CTNNA3: variants seen among roughly 807,000 people sequenced by gnomAD.
CTNNA3 encodes catenin alpha 3.
CTNNA3 carries 76 observed loss-of-function variants against 95.7 expected under a neutral mutation model. The ratio of observed to expected loss-of-function variants is 0.79; its 90% CI spans 0.66 to 0.96. CTNNA3 has a LOEUF of 0.96. Among genes scored for constraint, CTNNA3 ranks in the 40% least tolerant of loss-of-function variants. The pLI is 0.00. For missense variants in CTNNA3, 1,191 were observed against 1,089.8 expected (o/e 1.09, Z -1.31); for synonymous variants, 431 against 374.4 (o/e 1.15, Z -1.74).
Position 67,580,474 on chromosome 10 carries a change from T to C in CTNNA3, c.292+26383A>G, listed in dbSNP as rs573818893. On this transcript the variant is annotated intron_variant, in intron 3 of 17. Coordinates refer to ENST00000433211, the MANE Select transcript of CTNNA3 (RefSeq NM_013266.4). ...TGGTTACTGTAGCCTTGTAATATAGTTTGAAGTCAGGTAGCATGATGCCTC... is the reference window on the plus strand; with the variant it reads ...TGGTTACTGTAGCCTTGTAATATAGCTTGAAGTCAGGTAGCATGATGCCTC... 1.2e-3 allele frequency among the ~76,000 whole-genome samples: 183 copies of C among 151,808 alleles called. 1 individual carries two copies. The highest frequency in any genetic ancestry group is 2.0e-3 in the Non-Finnish European group (135 of 68,016).
At chr10:65,930,542 T>C (rs1292674614) in intron 17 of CTNNA3, among the ~76,000 whole-genome samples, 1 of 152,208 alleles carries the variant, frequency 6.6e-6, no homozygotes, top group East Asian at 1.9e-4. Flanking sequence ...ACTAGCAAAA[T>C]GGATTTTTAG....
chr10:67,747,925 T>A (rs771078670), intron 1 of CTNNA3, among the ~76,000 whole-genome samples: 11 of 152,198 alleles, frequency 7.2e-5, no homozygotes, highest in African/African-American at 1.2e-4. Context: ...TATGACCTGA[T>A]GAAGCTGAAA....
chr10:66,279,667 C>T (rs545589384), intron 13 of CTNNA3, among the ~76,000 whole-genome samples: 1 of 152,136 alleles, frequency 6.6e-6, no homozygotes, highest in East Asian at 1.9e-4. Flanking sequence ...CATAATTACA[C>T]CTTCTTGGTT....
chr10:67,503,443 C>A (rs945255377), intron 5 of CTNNA3, among the ~76,000 whole-genome samples: 3 of 152,170 alleles, frequency 2.0e-5, no homozygotes, highest in African/African-American at 7.2e-5. Flanking sequence ...TCTATCTTAA[C>A]TATTTTTTTT....
At chr10:66,574,069 T>C (rs933309981) in intron 10 of CTNNA3, among the ~76,000 whole-genome samples, 2 of 152,134 alleles carry the variant, frequency 1.3e-5, no homozygotes, top group African/African-American at 4.8e-5. Flanking sequence ...AAGGCTGTCA[T>C]GTCTGCTTAC....
intron 10 of CTNNA3, among the ~76,000 whole-genome samples, chr10:66,595,953 G>T (rs927186320): frequency 7.2e-5 from 11 of 151,966 alleles, no homozygotes; most frequent in Non-Finnish European, 4.4e-5. Context: ...ACCATGCCCA[G>T]CCTCCTTGTT....
rs60547696 is a variant in CTNNA3 at position 66,487,181 on chromosome 10, A to ATTTTTTTTTTTTTT, written c.1531+33422_1531+33435dup. ...TACTTGAAATTTAATAAAAGGGCAGATTTTTTTTTTTTTTTTTTTTTTTTT... is the reference window on the plus strand; with the variant it reads ...TACTTGAAATTTAATAAAAGGGCAGATTTTTTTTTTTTTTTTTTTTTTTTTTTTTTTTTTTTTTT... On this transcript the variant is annotated intron_variant, in intron 11 of 17. Coordinates refer to ENST00000433211, the MANE Select transcript of CTNNA3 (RefSeq NM_013266.4). Among the ~76,000 whole-genome samples the ATTTTTTTTTTTTTT allele has an allele frequency of 1.7e-4, 8 of 45,986 alleles. 1 individual carries two copies. Among genetic ancestry groups the ATTTTTTTTTTTTTT allele is most frequent in the African/African-American group, 5.4e-4 (6 of 11,114 alleles). 30.2% of individuals were successfully genotyped at this position (45,986 alleles called of 152,430 possible). A position where few individuals can be genotyped will look rare whatever the true frequency, so the allele number is the denominator to read the frequency against.
At chr10:66,714,005 T>C (rs759914771) in intron 9 of CTNNA3, among the ~76,000 whole-genome samples, 1 of 152,060 alleles carries the variant, frequency 6.6e-6, no homozygotes, top group Non-Finnish European at 1.5e-5. Flanking sequence ...TGATAGAATA[T>C]AATGAAGTAA....
chr10:66,971,371 A>G (rs1849715063), intron 7 of CTNNA3, among the ~76,000 whole-genome samples: 2 of 152,140 alleles, frequency 1.3e-5, no homozygotes, highest in Non-Finnish European at 2.9e-5. Flanking sequence ...GGTTGCAGTG[A>G]GCCGAGATCG....
At chr10:66,052,961 A>G (rs1440797239) in intron 15 of CTNNA3, among the ~76,000 whole-genome samples, 8 of 152,138 alleles carry the variant, frequency 5.3e-5, no homozygotes, top group Non-Finnish European at 1.2e-4. Context: ...TTTCTGAAAA[A>G]AATTCTATGC....
At position 66,157,890 on chromosome 10, in the gene CTNNA3, G is replaced by T. The variant is rs376327690; in HGVS notation, c.1885-54641C>A. 4.6e-5 allele frequency among the ~76,000 whole-genome samples: 7 copies of T among 152,120 alleles called. No homozygotes were observed. In the East Asian group the frequency reaches 1.4e-3, roughly 29 times the overall value. On this transcript the variant is annotated intron_variant, in intron 13 of 17. Transcript: ENST00000433211. The stretch of plus-strand genomic sequence containing the variant: ...TAAGGTGGTATCGCATTGTGGTTTT[G>T]ATTTGCATTTTCCTGATCATTAGTG...
chr10:66,258,498 C>T (rs990238393), intron 13 of CTNNA3, among the ~76,000 whole-genome samples: 8 of 152,124 alleles, frequency 5.3e-5, no homozygotes, highest in Non-Finnish European at 1.2e-4. Flanking sequence ...CAACCTCTAT[C>T]GTGGACTAAT....
chr10:67,751,222 C>T (rs752580918), intron 1 of CTNNA3: 3 of 1,276,918 alleles, frequency 2.3e-6, no homozygotes, highest in South Asian at 2.4e-5. Flanking sequence ...CCCTTCGATG[C>T]AGAATATTGA....
At chr10:67,580,747 G>T (rs1449300128) in intron 3 of CTNNA3, among the ~76,000 whole-genome samples, 2 of 152,068 alleles carry the variant, frequency 1.3e-5, no homozygotes, top group African/African-American at 2.4e-5. Context: ...GCAGTGGTTT[G>T]TAGTTCTCCT....
intron 1 of CTNNA3, among the ~76,000 whole-genome samples, chr10:67,714,961 G>A (rs141436651): frequency 3.4e-4 from 52 of 152,286 alleles, no homozygotes; most frequent in African/African-American, 1.3e-3. Context: ...ATATGGAGCT[G>A]GAAGTACAAT....
intron 15 of CTNNA3, among the ~76,000 whole-genome samples, chr10:66,016,528 C>T (rs1456476593): frequency 1.3e-5 from 2 of 152,168 alleles, no homozygotes; most frequent in African/African-American, 4.8e-5. Flanking sequence ...TTTATTTTTA[C>T]AGTAATTTTG....
intron 7 of CTNNA3, among the ~76,000 whole-genome samples, chr10:66,793,275 G>A (rs984991998): frequency 1.3e-5 from 2 of 151,998 alleles, no homozygotes; most frequent in East Asian, 3.9e-4. Context: ...CTGAGTAGCT[G>A]GGACTACAGG....
chr10:66,935,603 C>T (rs560903740), intron 7 of CTNNA3, among the ~76,000 whole-genome samples: 1 of 151,828 alleles, frequency 6.6e-6, no homozygotes, highest in Non-Finnish European at 1.5e-5. Context: ...GTATTTCCAC[C>T]AAGGTACGTA....
intron 7 of CTNNA3, among the ~76,000 whole-genome samples, chr10:67,087,443 A>T (rs1482615087): frequency 6.6e-6 from 1 of 152,014 alleles, no homozygotes; most frequent in East Asian, 1.9e-4. Context: ...AAATTAAGGG[A>T]TGATTATCTT....
Sources: gnomAD v4.1 joint callset for allele counts (sites outside exome capture counted in the v4.1 genomes callset) on GRCh38, gnomAD v4.1.1 for gene constraint, MANE v1.5 for transcripts, NCBI Gene and HGNC (gene_info 2026-07-23, HGNC 2026-07-21) for gene names.